GC: variants seen among roughly 807,000 people sequenced by gnomAD.
GC encodes vitamin D-binding protein.
A neutral mutation model predicts 56.7 loss-of-function variants in GC; 43 were observed. The observed-to-expected ratio is 0.76, with a 90% confidence interval of 0.59 to 0.98. The LOEUF (loss-of-function observed/expected upper bound fraction) is 0.98. GC is among the 50% of genes least tolerant of loss of function. The pLI, the probability that GC is intolerant of heterozygous loss-of-function variation, is 0.00. For synonymous variants in GC, 216 were observed against 202.7 expected (o/e 1.07, Z -0.56); for missense variants, 529 against 545.9 (o/e 0.97, Z 0.31).
In GC at chr4:71,741,747, C is replaced by A; in HGVS notation, c.*149G>T. Reference sequence around the variant, plus strand: ...TTTGATAGCAAATCATCATACTTGTCATTGTATGAAGATATTGTAGCTAGA... The same window carrying A: ...TTTGATAGCAAATCATCATACTTGTAATTGTATGAAGATATTGTAGCTAGA... On this transcript the variant is annotated 3_prime_UTR_variant, in exon 13 of 13. Transcript: ENST00000273951. 1 of 685,524 alleles carries A rather than the reference C, an allele frequency of 1.5e-6. No individual in the cohort carries two copies. The highest frequency in any genetic ancestry group is 1.6e-5 in the South Asian group (1 of 63,766). 42.5% of individuals were successfully genotyped at this position (685,524 alleles called of 1,614,324 possible). A position where few individuals can be genotyped will look rare whatever the true frequency, so the allele number is the denominator to read the frequency against.
chr4:71,746,839 TA>T (rs968874713), intron 11 of GC, among the ~76,000 whole-genome samples: 1 of 150,640 alleles, frequency 6.6e-6, no homozygotes, highest in Non-Finnish European at 1.5e-5. Flanking sequence ...AGAAGAGTAT[TA>T]ACCATTTTTG....
At chr4:71,746,242 G>A in intron 11 of GC, 37 bp from the exon 12 acceptor site, 1 of 989,506 alleles carries the variant, frequency 1.0e-6, no homozygotes, top group Non-Finnish European at 1.6e-6. Context: ...AACTTATGAA[G>A]TATTTCATTT....
At chr4:71,786,032 T>C (rs1314221006), upstream of GC, 1 of 151,854 alleles carries the variant, frequency 6.6e-6, no homozygotes, top group African/African-American at 2.4e-5. Context: ...GACCAGCTCA[T>C]TCTTTCATTT....
At chr4:71,758,455 G>A (rs1173772907) in intron 6 of GC, among the ~76,000 whole-genome samples, 1 of 152,130 alleles carries the variant, frequency 6.6e-6, no homozygotes, top group Non-Finnish European at 1.5e-5. Flanking sequence ...TAGATCTAAA[G>A]CATCAATGAA....
At chr4:71,760,833 G>A (rs1010513728) in intron 6 of GC, among the ~76,000 whole-genome samples, 10 of 152,160 alleles carry the variant, frequency 6.6e-5, no homozygotes, top group African/African-American at 2.4e-4. Flanking sequence ...ATCCATGTAA[G>A]ATATGATTTG....
intron 1 of GC, among the ~76,000 whole-genome samples, chr4:71,780,007 C>A (rs1314271813): frequency 6.6e-6 from 1 of 151,822 alleles, no homozygotes; most frequent in Non-Finnish European, 1.5e-5. Flanking sequence ...ATAAAAACCT[C>A]TTTTTGCCAA....
rs113208335 is a variant in GC at position 71,794,826 on chromosome 4, T to C, written c.21+9100A>G. Among the ~76,000 whole-genome samples, 26 of 152,350 alleles carry C rather than the reference T, an allele frequency of 1.7e-4. 2 individuals are homozygous for C. Among genetic ancestry groups the C allele is most frequent in the African/African-American group, 6.3e-4 (26 of 41,596 alleles). On this transcript the variant is annotated intron_variant, in intron 1 of 13. Coordinates refer to the GC transcript ENST00000504199. ...ATAAATTTCCCGCTACATACTGCTT[T>C]AAATGTGTCTCAGAGATTCTGGTAC...
intron 3 of GC, among the ~76,000 whole-genome samples, chr4:71,766,084 A>G (rs1444507114): frequency 1.3e-5 from 2 of 152,212 alleles, no homozygotes; most frequent in East Asian, 3.9e-4. Flanking sequence ...TCTGTTTATT[A>G]AATGAGCTCT....
chr4:71,757,764 C>T (rs994573659), intron 7 of GC, among the ~76,000 whole-genome samples: 1 of 152,114 alleles, frequency 6.6e-6, no homozygotes, highest in Admixed American at 6.6e-5. Flanking sequence ...GAATACCATA[C>T]AGTGCAAGTA....
intron 1 of GC, among the ~76,000 whole-genome samples, chr4:71,798,699 G>A (rs920247244): frequency 6.6e-6 from 1 of 152,138 alleles, no homozygotes; most frequent in Non-Finnish European, 1.5e-5. Flanking sequence ...CTTTATTAGT[G>A]TATTAAGGTA....
chr4:71,756,599 T>C, intron 8 of GC, 113 bp downstream of exon 8: 5 of 684,150 alleles, frequency 7.3e-6, no homozygotes, highest in Non-Finnish European at 1.3e-5. Context: ...AAGGTAGTAC[T>C]TTGCCTATGT....
intron 6 of GC, among the ~76,000 whole-genome samples, chr4:71,761,226 T>C (rs1460142755): frequency 6.6e-6 from 1 of 152,208 alleles, no homozygotes; most frequent in Non-Finnish European, 1.5e-5. Flanking sequence ...TTTTGGGAAC[T>C]GGAGCAAAGG....
chr4:71,789,586 G>A (rs1460281204), intron 1 of GC, among the ~76,000 whole-genome samples: 1 of 151,842 alleles, frequency 6.6e-6, no homozygotes, highest in Non-Finnish European at 1.5e-5. Flanking sequence ...CAGTTTTCAG[G>A]AATTTCTTTT....
intron 1 of GC, among the ~76,000 whole-genome samples, chr4:71,770,202 G>A (rs1425936778): frequency 2.0e-5 from 3 of 152,150 alleles, no homozygotes; most frequent in Admixed American, 6.6e-5. Context: ...AAGTGGCCTG[G>A]AGAACAAAGC....
chr4:71,792,400 A>G (rs1271517828), intron 1 of GC, among the ~76,000 whole-genome samples: 3 of 152,130 alleles, frequency 2.0e-5, no homozygotes, highest in Non-Finnish European at 4.4e-5. Context: ...TTTGATTTGC[A>G]TTTCTCTGAT....
At chr4:71,757,576 G>A (rs1053180191) in intron 7 of GC, among the ~76,000 whole-genome samples, 2 of 146,798 alleles carry the variant, frequency 1.4e-5, no homozygotes, top group African/African-American at 2.5e-5. Context: ...TGGTTGAAGT[G>A]CCGCTTAATG....
At chr4:71,760,197 C>CA (rs1741919588) in intron 6 of GC, among the ~76,000 whole-genome samples, 1 of 151,174 alleles carries the variant, frequency 6.6e-6, no homozygotes, top group South Asian at 2.1e-4. Context: ...GCGCCCACCA[C>CA]CATGCCTGGC....
At chr4:71,743,220 C>T (rs1278568468) in intron 12 of GC, among the ~76,000 whole-genome samples, 3 of 152,110 alleles carry the variant, frequency 2.0e-5, no homozygotes, top group Non-Finnish European at 2.9e-5. Flanking sequence ...AGACAAAAGG[C>T]TTCAACTTCT....
At chr4:71,780,115 C>A (rs1742626425) in intron 1 of GC, among the ~76,000 whole-genome samples, 1 of 151,856 alleles carries the variant, frequency 6.6e-6, no homozygotes, top group Non-Finnish European at 1.5e-5. Flanking sequence ...ACAAACCTGA[C>A]AAAAACAAGA....
Sources: gnomAD v4.1 joint callset for allele counts (sites outside exome capture counted in the v4.1 genomes callset) on GRCh38, gnomAD v4.1.1 for gene constraint, MANE v1.5 for transcripts, NCBI Gene and HGNC (gene_info 2026-07-23, HGNC 2026-07-21) for gene names.